The following NKAIN2 variants were observed in gnomAD, a reference collection of about 807,000 sequenced individuals.
The protein encoded by NKAIN2 is sodium/potassium-transporting ATPase subunit beta-1-interacting protein 2.
In NKAIN2, 14 loss-of-function variants were observed where a neutral mutation model predicts 32.6. The observed-to-expected ratio is 0.43, with a 90% CI of 0.28 to 0.67. The LOEUF (loss-of-function observed/expected upper bound fraction) is 0.67, where lower values mean the gene tolerates loss of function less well. NKAIN2 is among the 30% of genes least tolerant of loss of function. The probability of loss-of-function intolerance (pLI) is 0.17; values close to 1 mark genes in which losing one functional copy is unlikely to be tolerated. For synonymous variants in NKAIN2, 80 were observed against 87.2 expected (o/e 0.92, Z 0.46); for missense variants, 198 against 258.3 (o/e 0.77, Z 1.60).
chr6:124,171,536 G>A (rs1363013284), intron 1 of NKAIN2, among the ~76,000 whole-genome samples: 2 of 145,790 alleles, frequency 1.4e-5, no homozygotes, highest in East Asian at 2.0e-4. Context: ...TCGTAAGAGA[G>A]GGCCGATTTG....
At chr6:123,981,559 A>G (rs1778898619) in intron 1 of NKAIN2, among the ~76,000 whole-genome samples, 1 of 152,116 alleles carries the variant, frequency 6.6e-6, no homozygotes, top group African/African-American at 2.4e-5. Context: ...ATCAAGCTTA[A>G]TGTTCTCAAA....
Position 124,111,262 on chromosome 6 carries a change from G to A in NKAIN2, c.55-171743G>A, listed in dbSNP as rs561840024. 4.0e-5 allele frequency among the ~76,000 whole-genome samples: 6 copies of A among 151,848 alleles called. No individual in the cohort carries two copies. In the East Asian group the frequency reaches 7.8e-4, roughly 20 times the overall value. On this transcript the variant is annotated intron_variant, in intron 1 of 6. Coordinates refer to ENST00000368417, the MANE Select transcript of NKAIN2 (RefSeq NM_001040214.3). The stretch of plus-strand genomic sequence containing the variant: ...TATTCAGATTATCTGTTTTCTTATC[G>A]ATCTGTCTGGATGTTGTGTCCATTA...
At chr6:124,229,308 A>G (rs975343124) in intron 1 of NKAIN2, among the ~76,000 whole-genome samples, 3 of 152,172 alleles carry the variant, frequency 2.0e-5, no homozygotes, top group Non-Finnish European at 4.4e-5. Flanking sequence ...GTTTCAAACA[A>G]ATTAAAGATT....
intron 5 of NKAIN2, among the ~76,000 whole-genome samples, chr6:124,815,236 ATATATGTATATATG>A (rs1562400474): frequency 6.9e-6 from 1 of 144,106 alleles, no homozygotes; most frequent in Non-Finnish European, 1.5e-5. Flanking sequence ...ATATATATAT[ATATATGTATATATG>A]TATATATATA....
intron 3 of NKAIN2, among the ~76,000 whole-genome samples, chr6:124,366,943 AAG>A (rs1286388281): frequency 6.8e-6 from 1 of 147,808 alleles, no homozygotes; most frequent in East Asian, 2.0e-4. Context: ...AAAAAAAAAA[AAG>A]TAATAAGAAT....
chr6:123,955,548 G>A (rs1777534215), intron 1 of NKAIN2, among the ~76,000 whole-genome samples: 2 of 151,328 alleles, frequency 1.3e-5, no homozygotes, highest in African/African-American at 4.9e-5. Context: ...ATGTGCAGTT[G>A]TGTCACCCCT....
chr6:124,685,442 T>C (rs989220941), intron 4 of NKAIN2, among the ~76,000 whole-genome samples: 17 of 152,180 alleles, frequency 1.1e-4, no homozygotes, highest in African/African-American at 4.1e-4. Flanking sequence ...GCCAATGATA[T>C]TACATATGAG....
chr6:124,059,595 T>TG (rs1429365480), intron 1 of NKAIN2, among the ~76,000 whole-genome samples: 1 of 152,108 alleles, frequency 6.6e-6, no homozygotes, highest in Non-Finnish European at 1.5e-5. Context: ...TGGCACAGAG[T>TG]GGATATTCAG....
intron 3 of NKAIN2, among the ~76,000 whole-genome samples, chr6:124,648,175 A>C (rs973018059): frequency 6.6e-6 from 1 of 152,210 alleles, no homozygotes; most frequent in Non-Finnish European, 1.5e-5. Context: ...AAATGCTGAC[A>C]TGAACCAGTA....
intron 2 of NKAIN2, among the ~76,000 whole-genome samples, chr6:124,289,099 T>TGAAACTCTAA (rs1282988796): frequency 1.3e-5 from 2 of 152,168 alleles, no homozygotes; most frequent in African/African-American, 4.8e-5. Context: ...TTCTAAGAAT[T>TGAAACTCTAA]GTAAACTCTA....
chr6:123,931,870 C>T (rs975340089), intron 1 of NKAIN2, among the ~76,000 whole-genome samples: 6 of 152,182 alleles, frequency 3.9e-5, no homozygotes, highest in Non-Finnish European at 8.8e-5. Context: ...AGTACCCTTG[C>T]AGCCTTCATT....
At chr6:123,906,043 C>A (rs987401846) in intron 1 of NKAIN2, among the ~76,000 whole-genome samples, 9 of 152,104 alleles carry the variant, frequency 5.9e-5, no homozygotes, top group African/African-American at 2.2e-4. Flanking sequence ...TTTCTTTTAA[C>A]ATTCCATGTT....
At chr6:124,295,755 A>G (rs1415465554) in intron 2 of NKAIN2, among the ~76,000 whole-genome samples, 2 of 152,286 alleles carry the variant, frequency 1.3e-5, no homozygotes, top group Non-Finnish European at 2.9e-5. Flanking sequence ...CTCAGGGCAC[A>G]ATATAATTGT....
intron 4 of NKAIN2, among the ~76,000 whole-genome samples, chr6:124,707,361 T>C (rs993374862): frequency 2.6e-5 from 4 of 151,526 alleles, no homozygotes; most frequent in African/African-American, 7.3e-5. Context: ...TACCCAGTAA[T>C]GGGATGGCTG....
intron 4 of NKAIN2, among the ~76,000 whole-genome samples, chr6:124,710,227 T>A (rs1775368149): frequency 6.6e-6 from 1 of 152,128 alleles, no homozygotes; most frequent in South Asian, 2.1e-4. Context: ...CTTTTACATT[T>A]GCTGAGGAGA....
At chr6:124,289,997 C>T (rs1448571893) in intron 2 of NKAIN2, among the ~76,000 whole-genome samples, 1 of 151,832 alleles carries the variant, frequency 6.6e-6, no homozygotes, top group African/African-American at 2.4e-5. Context: ...CTTCTAATGA[C>T]TTTAGAGTAG....
chr6:123,857,297 A>G (rs1775593350), intron 1 of NKAIN2, among the ~76,000 whole-genome samples: 1 of 151,582 alleles, frequency 6.6e-6, no homozygotes, highest in African/African-American at 2.4e-5. Flanking sequence ...TGATTATTGG[A>G]CAGTGCGACC....
intron 1 of NKAIN2, among the ~76,000 whole-genome samples, chr6:124,112,280 G>A (rs1367871666): frequency 6.6e-6 from 1 of 152,092 alleles, no homozygotes; most frequent in South Asian, 2.1e-4. Context: ...ATTTTGTTTG[G>A]AAAAGTCTTT....
rs115899826 is a variant in NKAIN2, at chr6:124,561,575, C to T, written c.274-96611C>T. 7.3e-3 allele frequency among the ~76,000 whole-genome samples: 1,118 copies of T among 152,290 alleles called. 19 individuals carry two copies. The highest frequency in any genetic ancestry group is 0.026 in the African/African-American group (1,074 of 41,570). On this transcript the variant is annotated intron_variant, in intron 3 of 6. Coordinates refer to ENST00000368417, the MANE Select transcript of NKAIN2 (RefSeq NM_001040214.3). ...TAACAAGACTTAATGAGAGGAAGAT[C>T]GCAGTGCTTAAGATGTATTGTTTTC...
Sources: allele counts gnomAD v4.1 joint callset (sites outside exome capture counted in the v4.1 genomes callset), GRCh38; gene constraint gnomAD v4.1.1; transcripts MANE v1.5; gene names NCBI Gene and HGNC (gene_info 2026-07-23, HGNC 2026-07-21).